PRKCZ: variants seen among roughly 807,000 people sequenced by gnomAD.
PRKCZ encodes protein kinase C zeta type.
A neutral mutation model predicts 79.5 loss-of-function variants in PRKCZ; 33 were observed. That is an observed-to-expected ratio of 0.41 (90% CI 0.31 to 0.55). The LOEUF is 0.55. PRKCZ is among the 20% of genes least tolerant of loss of function. The pLI is 0.19. For missense variants in PRKCZ, 578 were observed against 813.5 expected (o/e 0.71, Z 3.52); for synonymous variants, 342 against 320.9 (o/e 1.07, Z -0.70).
At chr1:2,070,402 C>G (rs1294561448) in intron 4 of PRKCZ, among the ~76,000 whole-genome samples, 1 of 152,208 alleles carries the variant, frequency 6.6e-6, no homozygotes, top group Non-Finnish European at 1.5e-5. Context: ...AGCCTCACCC[C>G]TTGGGTCTGG....
intron 10 of PRKCZ, among the ~76,000 whole-genome samples, chr1:2,160,193 T>C (rs1022939234): frequency 6.6e-6 from 1 of 152,024 alleles, no homozygotes; most frequent in African/African-American, 2.4e-5. Context: ...CTCTTCTTGG[T>C]CAAACTGACT....
At chr1:2,052,554 C>A (rs1342114856) in intron 1 of PRKCZ, among the ~76,000 whole-genome samples, 1 of 151,992 alleles carries the variant, frequency 6.6e-6, no homozygotes, top group Non-Finnish European at 1.5e-5. Context: ...CTGGCTCTTC[C>A]CTGCTCCTAC....
chr1:2,105,395 G>A (rs1480033051), intron 4 of PRKCZ, among the ~76,000 whole-genome samples: 7 of 152,288 alleles, frequency 4.6e-5, no homozygotes, highest in Non-Finnish European at 7.4e-5. Flanking sequence ...CAAGGGTCAC[G>A]TTAGGCCTTA....
intron 4 of PRKCZ, among the ~76,000 whole-genome samples, chr1:2,078,516 A>G (rs1337349990): frequency 6.6e-6 from 1 of 152,098 alleles, no homozygotes; most frequent in East Asian, 1.9e-4. Flanking sequence ...GTTTCATGAT[A>G]ATGTTCCTTG....
intron 1 of PRKCZ, among the ~76,000 whole-genome samples, chr1:2,054,337 T>C (rs1470033929): frequency 6.6e-6 from 1 of 152,132 alleles, no homozygotes; most frequent in Non-Finnish European, 1.5e-5. Context: ...TGATTCCCGC[T>C]CTGAGTTTCA....
rs1256147756 is a variant in PRKCZ, at chr1:2,055,294, T to C, written c.72-147T>C. 13 of 858,512 alleles carry C rather than the reference T, an allele frequency of 1.5e-5. No homozygotes were observed. The Admixed American group carries it at 5.8e-4, about 39-fold the overall frequency. 53.2% of individuals were successfully genotyped at this position (858,512 alleles called of 1,614,324 possible). On this transcript the variant is annotated intron_variant, in intron 1 of 17. Coordinates refer to ENST00000378567, the MANE Select transcript of PRKCZ (RefSeq NM_002744.6). ...ATGGTTAATGGTTCTATTTTGTGTG[T>C]GGGAGGGGGGAGGGGGTGGGGCTGT...
At chr1:2,183,495 G>C (rs538360646) in intron 16 of PRKCZ, 8 of 152,300 alleles carry the variant, frequency 5.3e-5, no homozygotes, top group African/African-American at 1.9e-4. Flanking sequence ...GAGGGAGTGA[G>C]AGGGTGAATG....
chr1:2,158,320 T>C (rs979446042), intron 10 of PRKCZ, among the ~76,000 whole-genome samples: 5 of 152,164 alleles, frequency 3.3e-5, no homozygotes, highest in Admixed American at 2.6e-4. Context: ...CTCTGATTCC[T>C]CCTCCCCAGT....
rs1571116287 is a variant in PRKCZ, at chr1:2,062,058, G to A, written c.334+2467G>A. Among the ~76,000 whole-genome samples, 15 of 152,304 alleles carry A rather than the reference G, an allele frequency of 9.8e-5. No individual in the cohort carries two copies. In the South Asian group the frequency reaches 3.1e-3, roughly 32 times the overall value. On this transcript the variant is annotated intron_variant, in intron 4 of 17. Transcript: ENST00000378567. ...AGGGCAGGACTGCGGCTGTACCGTG[G>A]GCCTGGTTCAGACGGCTGGACGTGC...
rs1448434743 is a variant in PRKCZ, at chr1:2,173,836, G to A, written c.1286-61G>A. The A allele has an allele frequency of 6.6e-7, 1 of 1,515,940 alleles. No individual in the cohort carries two copies. The highest frequency in any genetic ancestry group is 8.9e-7 in the Non-Finnish European group (1 of 1,127,348). 93.9% of individuals were successfully genotyped at this position (1,515,940 alleles called of 1,614,324 possible). ...TGGGCATGAAAACCAACGCCAGCCA[G>A]GTTCGTCCTGCTGCCGGCCCATGTG... On this transcript the variant is annotated intron_variant, in intron 13 of 17. Transcript: ENST00000378567. This position sits in a 1 kb window ranked among gnomAD's most constrained non-coding sequence, Gnocchi z 5.7.
At chr1:2,057,972 A>G (rs539027935) in intron 3 of PRKCZ, among the ~76,000 whole-genome samples, 6 of 152,238 alleles carry the variant, frequency 3.9e-5, no homozygotes, top group South Asian at 2.1e-4. Context: ...GGTTCAAGCA[A>G]TTCTTCTGCC....
At chr1:2,114,955 G>A (rs903055516) in intron 4 of PRKCZ, among the ~76,000 whole-genome samples, 1 of 152,156 alleles carries the variant, frequency 6.6e-6, no homozygotes, top group East Asian at 1.9e-4. Context: ...AATCTGAAGC[G>A]TTCAACTCCA....
At chr1:2,073,425 C>G (rs1274579068) in intron 4 of PRKCZ, 1 of 162,634 alleles carries the variant, frequency 6.1e-6, no homozygotes, top group East Asian at 1.9e-4. Context: ...AGAGGTCACT[C>G]GCCACGGCCA....
At chr1:2,163,628 C>G (rs542416381) in intron 10 of PRKCZ, among the ~76,000 whole-genome samples, 1 of 152,138 alleles carries the variant, frequency 6.6e-6, no homozygotes, top group Admixed American at 6.5e-5. Context: ...CGGTGGCTCA[C>G]GCCTGTAATC....
intron 4 of PRKCZ, among the ~76,000 whole-genome samples, chr1:2,087,184 T>C (rs1014952643): frequency 8.9e-4 from 136 of 152,010 alleles, no homozygotes; most frequent in African/African-American, 3.2e-3. Flanking sequence ...CCGGGTTCAA[T>C]TGATTCTCGC....
intron 6 of PRKCZ, 48 bp from the exon 7 acceptor site, chr1:2,145,979 C>G (rs1380817190): frequency 3.3e-6 from 5 of 1,501,402 alleles, no homozygotes; most frequent in Non-Finnish European, 4.6e-6. Context: ...CATTGTAACA[C>G]CTGCTCTAGC....
At position 2,172,214 on chromosome 1, in the gene PRKCZ, CT is replaced by C. The variant is rs1684572171; in HGVS notation, c.1197+25del. On this transcript the variant is annotated intron_variant, in intron 12 of 17. Transcript: ENST00000378567. This position sits in a 1 kb window ranked among gnomAD's most constrained non-coding sequence, Gnocchi z 7.8. ...AGGTGCGTGCCTTGGACCGCCTCCCCTGACCATCCCGCATGTGCGTCTCGGG... is the reference window on the plus strand; with the variant it reads ...AGGTGCGTGCCTTGGACCGCCTCCCCGACCATCCCGCATGTGCGTCTCGGG... The C allele has an allele frequency of 1.2e-6, 2 of 1,613,326 alleles. No homozygotes were observed. Among genetic ancestry groups the C allele is most frequent in the South Asian group, 1.1e-5 (1 of 91,086 alleles).
At chr1:2,087,327 C>T (rs896512033) in intron 4 of PRKCZ, among the ~76,000 whole-genome samples, 11 of 152,146 alleles carry the variant, frequency 7.2e-5, no homozygotes, top group African/African-American at 2.2e-4. Flanking sequence ...AAGGGATCCA[C>T]CCACCTCGGC....
rs1242116415 is a variant in PRKCZ, at chr1:2,125,919, G to A, written c.335-9343G>A. Among the ~76,000 whole-genome samples the A allele has an allele frequency of 1.3e-5, 2 of 152,198 alleles. No individual in the cohort carries two copies. The highest frequency in any genetic ancestry group is 4.8e-5 in the African/African-American group (2 of 41,456). On this transcript the variant is annotated intron_variant, in intron 4 of 17. Transcript: ENST00000378567. The surrounding 1 kb of genome is among the most constrained non-coding windows in gnomAD (Gnocchi z 4.2). ...CTTCCCTTCCTTTCCATGGAGCACG[G>A]TTCCTGTCCCGGGGGTCCATATTGG...
Sources: gnomAD v4.1 joint callset for allele counts (sites outside exome capture counted in the v4.1 genomes callset) on GRCh38, gnomAD v4.1.1 for gene constraint, Gnocchi (gnomAD v3.1) non-coding constraint, MANE v1.5 for transcripts, NCBI Gene and HGNC (gene_info 2026-07-23, HGNC 2026-07-21) for gene names.